Variants in GOT1 observed in about 807,000 individuals in gnomAD.
GOT1 encodes aspartate aminotransferase, cytoplasmic.
In GOT1, 25 loss-of-function variants were observed where a neutral mutation model predicts 48.2. The observed-to-expected ratio is 0.52, with a 90% CI of 0.38 to 0.72. The LOEUF is 0.72. Among genes scored for constraint, GOT1 ranks in the 30% least tolerant of loss-of-function variants. The pLI, the probability that GOT1 is intolerant of heterozygous loss-of-function variation, is 0.00. For synonymous variants in GOT1, 188 were observed against 193.8 expected (o/e 0.97, Z 0.25); for missense variants, 380 against 520.1 (o/e 0.73, Z 2.62).
At chr10:99,415,459 C>A (rs999037190) in intron 2 of GOT1, among the ~76,000 whole-genome samples, 5 of 152,038 alleles carry the variant, frequency 3.3e-5, no homozygotes, top group Non-Finnish European at 2.9e-5. Flanking sequence ...AATAGCTTAC[C>A]AACCAAAAAA....
intron 2 of GOT1, among the ~76,000 whole-genome samples, chr10:99,417,257 C>A (rs1279125299): frequency 2.6e-5 from 4 of 151,978 alleles, no homozygotes; most frequent in Admixed American, 1.3e-4. Flanking sequence ...ACCCCATCAA[C>A]AAGTGGGCGA....
At chr10:99,427,769 G>A (rs1423457035) in intron 1 of GOT1, among the ~76,000 whole-genome samples, 1 of 152,152 alleles carries the variant, frequency 6.6e-6, no homozygotes, top group Non-Finnish European at 1.5e-5. Flanking sequence ...TACAGGTGTG[G>A]GCAGAGACTC....
At chr10:99,411,648 G>A (rs891146108) in intron 2 of GOT1, among the ~76,000 whole-genome samples, 5 of 152,122 alleles carry the variant, frequency 3.3e-5, no homozygotes, top group African/African-American at 1.2e-4. Flanking sequence ...TACTGATATA[G>A]TCAAAAAGAT....
chr10:99,408,284 G>C (rs2032786087), intron 2 of GOT1, among the ~76,000 whole-genome samples: 1 of 152,120 alleles, frequency 6.6e-6, no homozygotes, highest in Non-Finnish European at 1.5e-5. Flanking sequence ...GTAGTTCTCT[G>C]CCTATAGATC....
chr10:99,406,374 G>T (rs2032755871), intron 3 of GOT1, 125 bp from the exon 4 acceptor site: 2 of 703,548 alleles, frequency 2.8e-6, no homozygotes, highest in Admixed American at 4.5e-5. Flanking sequence ...CCAGGCTGGG[G>T]GTTAAGATGT....
intron 3 of GOT1, 47 bp from the exon 4 acceptor site, chr10:99,406,296 G>C (rs775774454): frequency 1.2e-5 from 16 of 1,334,536 alleles, no homozygotes; most frequent in Non-Finnish European, 1.4e-5. Flanking sequence ...AACACTAGGA[G>C]GCATGAGTGG....
chr10:99,418,446 T>A (rs2032925629), intron 2 of GOT1, among the ~76,000 whole-genome samples: 1 of 151,648 alleles, frequency 6.6e-6, no homozygotes, highest in Non-Finnish European at 1.5e-5. Flanking sequence ...TCCAACTAAT[T>A]TATTTAGTTT....
chr10:99,401,019 A>G, intron 8 of GOT1, among the ~76,000 whole-genome samples: 1 of 152,206 alleles, frequency 6.6e-6, no homozygotes, highest in Non-Finnish European at 1.5e-5. Context: ...CTAAAAATAT[A>G]ACTTTTGTGT....
At chr10:99,408,761 C>T (rs902491928) in intron 2 of GOT1, among the ~76,000 whole-genome samples, 14 of 152,106 alleles carry the variant, frequency 9.2e-5, no homozygotes, top group Non-Finnish European at 2.1e-4. Flanking sequence ...ACACGCCAAT[C>T]TTCTAACAGT....
In GOT1 at chr10:99,402,568, G is replaced by T; in HGVS notation, c.1102+12C>A. 1 of 1,614,030 alleles carries T rather than the reference G, an allele frequency of 6.2e-7. No individual in the cohort carries two copies. The highest frequency in any genetic ancestry group is 8.5e-7 in the Non-Finnish European group (1 of 1,179,916). ...ATGCACGCATGGGCTGGAGGTGGTG[G>T]GGGCCACTTACGGTTCAACCCAGTG... On this transcript the variant is annotated intron_variant, in intron 8 of 8. Transcript: ENST00000370508.
At chr10:99,405,715 T>C in intron 5 of GOT1, 41 bp downstream of exon 5, 1 of 930,448 alleles carries the variant, frequency 1.1e-6, no homozygotes, top group Non-Finnish European at 1.8e-6. Context: ...TAAATAAGAA[T>C]ATATACTATT....
chr10:99,405,515 A>G (rs1413704754), intron 5 of GOT1, among the ~76,000 whole-genome samples: 1 of 125,332 alleles, frequency 8.0e-6, no homozygotes, highest in Non-Finnish European at 1.6e-5. Context: ...ATATACATAA[A>G]ACTAGACACA....
intron 2 of GOT1, among the ~76,000 whole-genome samples, chr10:99,418,749 C>T (rs2032930075): frequency 1.3e-5 from 2 of 152,146 alleles, no homozygotes; most frequent in Admixed American, 6.5e-5. Flanking sequence ...GTAATCTGCC[C>T]ACCTTGGCCT....
At chr10:99,427,356 C>T (rs2033052225) in intron 1 of GOT1, among the ~76,000 whole-genome samples, 1 of 152,168 alleles carries the variant, frequency 6.6e-6, no homozygotes. Context: ...GCAAGCTCCG[C>T]CTCCTGGGTT....
At chr10:99,400,964 GAAAAC>G (rs2032667417) in intron 8 of GOT1, among the ~76,000 whole-genome samples, 1 of 152,198 alleles carries the variant, frequency 6.6e-6, no homozygotes, top group Non-Finnish European at 1.5e-5. Flanking sequence ...AAGTTGGGAG[GAAAAC>G]AAAACCCCTG....
Position 99,421,356 on chromosome 10 carries a change from G to A in GOT1, c.119-551C>T, listed in dbSNP as rs914328984. On this transcript the variant is annotated intron_variant, in intron 1 of 8. Transcript: ENST00000370508. ...TGTCCCAGAGGAACAGAAATAAGAC[G>A]AATGATAAGCAAATGCCCTGACGAT... Among the ~76,000 whole-genome samples the A allele has an allele frequency of 3.9e-5, 6 of 152,036 alleles. No homozygotes were observed. The East Asian group carries it at 5.8e-4, about 15-fold the overall frequency.
chr10:99,407,398 A>C (rs1339742679), intron 2 of GOT1, among the ~76,000 whole-genome samples: 2 of 151,906 alleles, frequency 1.3e-5, no homozygotes, highest in African/African-American at 2.4e-5. Context: ...GAGGTGATGC[A>C]TGAGTACTAC....
chr10:99,411,218 G>A (rs1589938509), intron 2 of GOT1, among the ~76,000 whole-genome samples: 1 of 152,246 alleles, frequency 6.6e-6, no homozygotes, highest in East Asian at 1.9e-4. Context: ...GTCATGATGT[G>A]ACAATGAGTT....
chr10:99,417,213 G>T (rs2032907559), intron 2 of GOT1, among the ~76,000 whole-genome samples: 2 of 151,902 alleles, frequency 1.3e-5, no homozygotes, highest in South Asian at 4.2e-4. Flanking sequence ...AATCTACAAA[G>T]AACTCAAACA....
Sources: gnomAD v4.1 joint callset for allele counts (sites outside exome capture counted in the v4.1 genomes callset) on GRCh38, gnomAD v4.1.1 for gene constraint, MANE v1.5 for transcripts, NCBI Gene and HGNC (gene_info 2026-07-23, HGNC 2026-07-21) for gene names.